Variants in DNAH10 observed in about 807,000 individuals in gnomAD.
DNAH10 encodes dynein axonemal heavy chain 10, also known as axonemal beta dynein heavy chain 10.
A neutral mutation model predicts 506.6 loss-of-function variants in DNAH10; 348 were observed. That is an observed-to-expected ratio of 0.69 (90% CI 0.63 to 0.75). DNAH10 has a LOEUF of 0.75. DNAH10 is among the 30% of genes least tolerant of loss of function. The pLI, the probability that DNAH10 is intolerant of heterozygous loss-of-function variation, is 0.00. For missense variants in DNAH10, 5,179 were observed against 5,787.1 expected (o/e 0.89, Z 3.41); for synonymous variants, 2,059 against 2,198.6 (o/e 0.94, Z 1.78).
chr12:123,797,869 G>A (rs971257021), intron 13 of DNAH10, among the ~76,000 whole-genome samples: 3 of 152,220 alleles, frequency 2.0e-5, no homozygotes, highest in Non-Finnish European at 4.4e-5. Context: ...AGGCTGGTAA[G>A]CCATTTCTTT....
chr12:123,820,562 G>T lies in DNAH10; in HGVS notation c.4001-18G>T. On this transcript the variant is annotated intron_variant, in intron 23 of 78. Transcript: ENST00000673944. ...TTAAAATTGTATTTATTCACTCATC[G>T]GTGTATTTATTTACTAGGAGTAGAG... 1 of 1,608,452 alleles carries T rather than the reference G, an allele frequency of 6.2e-7. No individual in the cohort carries two copies. Among genetic ancestry groups the T allele is most frequent in the Non-Finnish European group, 8.5e-7 (1 of 1,176,822 alleles).
intron 6 of DNAH10, 139 bp downstream of exon 6, chr12:123,781,438 T>C: frequency 1.2e-6 from 1 of 813,040 alleles, no homozygotes; most frequent in Non-Finnish European, 1.9e-6. Flanking sequence ...TCTCACTTTG[T>C]CGCTCAGGCT....
intron 11 of DNAH10, among the ~76,000 whole-genome samples, chr12:123,792,438 T>C (rs1413806822): frequency 1.3e-5 from 2 of 149,374 alleles, no homozygotes; most frequent in Non-Finnish European, 3.0e-5. Context: ...GTTTACCTTT[T>C]TTTTCCTTTG....
chr12:123,814,707 C>T (rs1253793253), intron 21 of DNAH10, among the ~76,000 whole-genome samples: 3 of 151,426 alleles, frequency 2.0e-5, no homozygotes, highest in African/African-American at 7.3e-5. Context: ...CTCCGCCTCC[C>T]AGGTTCACGC....
chr12:123,927,065 C>G, intron 69 of DNAH10: 1 of 514,302 alleles, frequency 1.9e-6, no homozygotes, highest in Non-Finnish European at 3.4e-6. Context: ...CTTTTTGAGA[C>G]AGGGTCTCAC....
chr12:123,916,591 A>C lies in DNAH10; in HGVS notation c.10857A>C (p.Lys3619Asn). The C allele has an allele frequency of 1.2e-6, 2 of 1,613,910 alleles. No individual in the cohort carries two copies. Among genetic ancestry groups the C allele is most frequent in the Non-Finnish European group, 1.7e-6 (2 of 1,179,876 alleles). The part of the protein sequence containing the change: ...VIDNVLEKNI[K>N]VSQGRQFIIL... Reference sequence around the variant, plus strand: ...ACAACGTCTTAGAAAAAAATATAAAAGTCTCCCAAGGACGGCAGTTTATTA... The same window carrying C: ...ACAACGTCTTAGAAAAAAATATAAACGTCTCCCAAGGACGGCAGTTTATTA... Residue 3619 changes from lysine (K) to asparagine (N), a missense_variant, in exon 63 of 79, where the codon AAA (lysine) becomes AAC (asparagine). Around this residue, in one of 3 missense-constraint regions of DNAH10, gnomAD observed 4,844 missense variants for 5,430.5 expected, o/e 0.89. Coordinates refer to ENST00000673944, the MANE Select transcript of DNAH10 (RefSeq NM_001372106.1). This position sits in a 1 kb window ranked among gnomAD's most constrained non-coding sequence, Gnocchi z 4.6.
chr12:123,863,890 CA>C (rs1951699488), intron 39 of DNAH10, among the ~76,000 whole-genome samples: 1 of 152,138 alleles, frequency 6.6e-6, no homozygotes, highest in Non-Finnish European at 1.5e-5. Context: ...GGGTTAAAAC[CA>C]GTGATAAATA....
Position 123,918,693 on chromosome 12 carries a change from G to C in DNAH10, c.11250G>C (p.Lys3750Asn). Residue 3750 changes from lysine to asparagine, a missense_variant, in exon 65 of 79, where the codon AAG becomes AAC. By Grantham distance (94) the Lys-to-Asn change is moderately conservative. Coordinates refer to ENST00000673944, the MANE Select transcript of DNAH10 (RefSeq NM_001372106.1). ...SKATEVSEKL[K>N]LAEKTALDID... ...TTCTTCAGGTCTCAGAGAAACTCAA[G>C]CTGGCGGAGAAGACAGCCTTGGACA... The C allele has an allele frequency of 1.3e-6, 2 of 1,557,576 alleles. No individual in the cohort carries two copies. The highest frequency in any genetic ancestry group is 2.4e-5 in the South Asian group (2 of 83,426).
intron 5 of DNAH10, among the ~76,000 whole-genome samples, chr12:123,778,765 T>A (rs891606564): frequency 6.6e-6 from 1 of 152,124 alleles, no homozygotes; most frequent in Non-Finnish European, 1.5e-5. Context: ...GAGACACAGT[T>A]CTTACTCTAT....
intron 24 of DNAH10, among the ~76,000 whole-genome samples, chr12:123,823,846 C>G (rs1253777057): frequency 1.3e-5 from 2 of 152,032 alleles, no homozygotes; most frequent in Non-Finnish European, 1.5e-5. Context: ...AGGTCTTATT[C>G]ATTCTTTCTG....
At chr12:123,930,030 C>T in intron 72 of DNAH10, 1 of 564,508 alleles carries the variant, frequency 1.8e-6, no homozygotes, top group Non-Finnish European at 3.1e-6. Context: ...GTATACAGAG[C>T]TCACAGGAAG....
At chr12:123,893,586 G>T in intron 53 of DNAH10, 150 bp downstream of exon 53, 1 of 855,780 alleles carries the variant, frequency 1.2e-6, no homozygotes, top group Non-Finnish European at 1.8e-6. Flanking sequence ...GTAGCTTGGG[G>T]CTCACTGCCC....
intron 47 of DNAH10, 26 bp from the exon 48 acceptor site, chr12:123,877,710 G>GA: frequency 1.4e-6 from 2 of 1,407,932 alleles, no homozygotes; most frequent in Non-Finnish European, 1.9e-6. Context: ...TTTGTGTGTT[G>GA]GGGGGGGTGT....
rs190543930 is a variant in DNAH10 at position 123,774,593 on chromosome 12, G to C, written c.621+329G>C. The stretch of plus-strand genomic sequence containing the variant: ...TCTATAGATATTAAATTAACTAAAA[G>C]TATCCCTTATGGGAAACGAAGGGAT... On this transcript the variant is annotated intron_variant, in intron 5 of 78. Transcript: ENST00000673944. Among the ~76,000 whole-genome samples, 939 of 152,306 alleles carry C rather than the reference G, an allele frequency of 6.2e-3. 8 individuals are homozygous for C. Among genetic ancestry groups the C allele is most frequent in the Middle Eastern group, 0.024 (7 of 294 alleles).
At chr12:123,884,809 A>G (rs977397760) in intron 51 of DNAH10, among the ~76,000 whole-genome samples, 2 of 152,232 alleles carry the variant, frequency 1.3e-5, no homozygotes, top group Non-Finnish European at 2.9e-5. Flanking sequence ...CCTCACTGCA[A>G]CAATTCAAAT....
At position 123,867,452 on chromosome 12, in the gene DNAH10, G is replaced by A. The variant is rs1292009022; in HGVS notation, c.7168-15G>A. On this transcript the variant is annotated splice_polypyrimidine_tract_variant and intron_variant, in intron 41 of 78. Coordinates refer to ENST00000673944, the MANE Select transcript of DNAH10 (RefSeq NM_001372106.1). ...ACAAACCCTTGAAATGCTTTGGAAT[G>A]CTACTTTTTTATAGGTGGAGCAATA... is the stretch of plus-strand genomic sequence containing the variant. 6.2e-7 allele frequency: 1 copy of A among 1,607,746 alleles called. No homozygotes were observed. The highest frequency in any genetic ancestry group is 2.2e-5 in the East Asian group (1 of 44,818).
At chr12:123,843,131 G>A (rs534264476) in intron 30 of DNAH10, among the ~76,000 whole-genome samples, 1 of 152,338 alleles carries the variant, frequency 6.6e-6, no homozygotes, top group South Asian at 2.1e-4. Flanking sequence ...AGAGAGTAAG[G>A]GAATGCAGCC....
intron 5 of DNAH10, among the ~76,000 whole-genome samples, chr12:123,776,223 G>C (rs933904229): frequency 6.6e-5 from 10 of 152,140 alleles, no homozygotes; most frequent in African/African-American, 2.4e-4. Flanking sequence ...GAGGGAGGGA[G>C]AAGCAGACAG....
Position 123,861,080 on chromosome 12 carries a change from T to C in DNAH10, c.6818T>C (p.Ile2273Thr). 1 of 1,613,946 alleles carries C rather than the reference T, an allele frequency of 6.2e-7. No individual in the cohort carries two copies. Among genetic ancestry groups the C allele is most frequent in the African/African-American group, 1.3e-5 (1 of 75,022 alleles). Residue 2273 changes from isoleucine (I) to threonine (T), a missense_variant, in exon 39 of 79, where the codon ATC (isoleucine) becomes ACC (threonine). Physicochemically the swap from Ile to Thr is moderately conservative, Grantham distance 89 (BLOSUM62 -1). Around this residue, in one of 3 missense-constraint regions of DNAH10, gnomAD observed 4,844 missense variants for 5,430.5 expected, o/e 0.89. Coordinates refer to ENST00000673944, the MANE Select transcript of DNAH10 (RefSeq NM_001372106.1). ...GTGAGTGTCATAGAACTCTACGGCATCCTGGACCCAACCACCCGAGACTGG... is the reference window on the plus strand; with the variant it reads ...GTGAGTGTCATAGAACTCTACGGCACCCTGGACCCAACCACCCGAGACTGG... ...KAVSVIELYG[I>T]LDPTTRDWTD...
Sources: allele counts gnomAD v4.1 joint callset (sites outside exome capture counted in the v4.1 genomes callset), GRCh38; gene constraint gnomAD v4.1.1; regional missense constraint gnomAD v4.1.1; non-coding constraint Gnocchi (gnomAD v3.1); transcripts MANE v1.5; gene names NCBI Gene and HGNC (gene_info 2026-07-23, HGNC 2026-07-21).